ANKS3: variants seen among roughly 807,000 people sequenced by gnomAD.
ANKS3 encodes the protein ankyrin repeat and SAM domain-containing protein 3.
Under a neutral mutation model 80.7 loss-of-function variants are expected in ANKS3, and 62 were observed. That is an observed-to-expected ratio of 0.77 (90% confidence interval 0.63 to 0.95). The LOEUF (loss-of-function observed/expected upper bound fraction) is 0.95. Among genes scored for constraint, ANKS3 ranks in the 40% least tolerant of loss-of-function variants. The probability of loss-of-function intolerance (pLI) is 0.00; values close to 1 mark genes in which losing one functional copy is unlikely to be tolerated. For missense variants in ANKS3, 1,150 were observed against 883.6 expected (o/e 1.30, Z -3.82); for synonymous variants, 489 against 355.3 (o/e 1.38, Z -4.23).
intron 6 of ANKS3, among the ~76,000 whole-genome samples, chr16:4,716,768 T>C (rs2080822215): frequency 6.6e-6 from 1 of 151,008 alleles, no homozygotes; most frequent in Admixed American, 6.6e-5. Flanking sequence ...ATACAAAAAT[T>C]AGCCAGGTGT....
chr16:4,720,254 G>T (rs2081019792), intron 6 of ANKS3, among the ~76,000 whole-genome samples: 1 of 147,980 alleles, frequency 6.8e-6, no homozygotes, highest in African/African-American at 2.5e-5. Context: ...ACAAGGTCAA[G>T]AGATTGAGAC....
chr16:4,699,038 C>T lies in ANKS3; in HGVS notation c.1409+14G>A. 1 of 1,614,176 alleles carries T rather than the reference C, an allele frequency of 6.2e-7. No individual in the cohort carries two copies. The highest frequency in any genetic ancestry group is 8.5e-7 in the Non-Finnish European group (1 of 1,180,048). On this transcript the variant is annotated intron_variant, in intron 12 of 17. Transcript: ENST00000304283. Reference sequence around the variant, plus strand: ...ACCCCGGGCTGAGGGCCAGAGCGGCCCTTCTGGACGCACGTGATGCCAATT... The same window carrying T: ...ACCCCGGGCTGAGGGCCAGAGCGGCTCTTCTGGACGCACGTGATGCCAATT...
intron 6 of ANKS3, among the ~76,000 whole-genome samples, chr16:4,716,539 G>A (rs1327808297): frequency 1.3e-5 from 2 of 152,040 alleles, no homozygotes; most frequent in Non-Finnish European, 2.9e-5. Context: ...TTTTCACAAA[G>A]TATAAGGAGT....
At chr16:4,728,164 G>C (rs1254602852) in intron 3 of ANKS3, 1 of 152,210 alleles carries the variant, frequency 6.6e-6, no homozygotes, top group African/African-American at 2.4e-5. Context: ...TCCTGCCTCA[G>C]CCTCCCAAGT....
chr16:4,698,090 G>A (rs2079676886), intron 14 of ANKS3, 28 bp from the exon 15 acceptor site: 1 of 1,577,534 alleles, frequency 6.3e-7, no homozygotes, highest in Non-Finnish European at 8.6e-7. Flanking sequence ...AAATATTGGT[G>A]AGAGCAGAGG....
At chr16:4,715,823 T>C (rs2080765669) in intron 6 of ANKS3, among the ~76,000 whole-genome samples, 1 of 151,820 alleles carries the variant, frequency 6.6e-6, no homozygotes, top group African/African-American at 2.4e-5. Context: ...TTTAATAGGA[T>C]CTTGCTCTGT....
rs1003113214 is a variant in ANKS3, at chr16:4,726,910, G to T, written c.369+69C>A. On this transcript the variant is annotated intron_variant, in intron 4 of 17. Coordinates refer to ENST00000304283, the MANE Select transcript of ANKS3 (RefSeq NM_133450.4). The stretch of plus-strand genomic sequence containing the variant: ...CACACGAACACCGTGGCCTGCAGTG[G>T]TTCGCATCTCTGTCAGGGTGGCCAC... 44 of 1,607,340 alleles carry T rather than the reference G, an allele frequency of 2.7e-5. No individual in the cohort carries two copies. The Admixed American group carries it at 5.5e-4, about 20-fold the overall frequency.
At chr16:4,713,941 C>G (rs2080634209) in intron 7 of ANKS3, 110 bp downstream of exon 7, 1 of 1,456,916 alleles carries the variant, frequency 6.9e-7, no homozygotes, top group Non-Finnish European at 9.2e-7. Flanking sequence ...AGAGCCAAAT[C>G]TCAGAGAAGG....
At position 4,730,140 on chromosome 16, in the gene ANKS3, G is replaced by T; in HGVS notation, c.10C>A (p.Leu4Ile). 1 of 1,561,954 alleles carries T rather than the reference G, an allele frequency of 6.4e-7. No homozygotes were observed. ...TCCGGCTCGCTGGCTTCATCGCTGA[G>T]CTCGGACATCACTGAGGAGGAAGGC... is the stretch of plus-strand genomic sequence containing the variant. MSE[L>I]SDEASEPELL... Residue 4 changes from leucine to isoleucine, a missense_variant, in exon 3 of 18, where the codon CTC becomes ATC. Leu to Ile is a conservative substitution (Grantham distance 5, BLOSUM62 2). Transcript: ENST00000304283.
chr16:4,732,678 C>CAAAAA lies in ANKS3; in HGVS notation c.-70-1104_-70-1100dup, dbSNP rs373806788. Among the ~76,000 whole-genome samples the CAAAAA allele has an allele frequency of 2.4e-4, 17 of 69,854 alleles. 1 individual carries two copies. Among genetic ancestry groups the CAAAAA allele is most frequent in the African/African-American group, 2.9e-4 (5 of 17,068 alleles). 45.8% of individuals were successfully genotyped at this position (69,854 alleles called of 152,430 possible). Reference sequence around the variant, plus strand: ...TGGGCAACAGAGCGAAATTCTGTCTCAAAAAAAAAAACAAAAAAAAAACAC... The same window carrying CAAAAA: ...TGGGCAACAGAGCGAAATTCTGTCTCAAAAAAAAAAAAAAAACAAAAAAAAAACAC... On this transcript the variant is annotated intron_variant, in intron 1 of 17. Transcript: ENST00000304283.
rs2079752867 is a variant in ANKS3, at chr16:4,699,043, T to TG, written c.1409+8dup. 1.9e-6 allele frequency: 3 copies of TG among 1,614,196 alleles called. No homozygotes were observed. The highest frequency in any genetic ancestry group is 2.5e-6 in the Non-Finnish European group (3 of 1,180,040). ...GGGCTGAGGGCCAGAGCGGCCCTTC[T>TG]GGACGCACGTGATGCCAATTTCCTT... On this transcript the variant is annotated intron_variant, in intron 12 of 17. Transcript: ENST00000304283.
At chr16:4,716,269 G>A (rs2050849090) in intron 6 of ANKS3, among the ~76,000 whole-genome samples, 1 of 150,170 alleles carries the variant, frequency 6.7e-6, no homozygotes, top group Non-Finnish European at 1.5e-5. Flanking sequence ...GCTGAGGCAG[G>A]AGAATCGCTT....
intron 2 of ANKS3, among the ~76,000 whole-genome samples, chr16:4,730,595 G>A (rs780440802): frequency 5.9e-5 from 9 of 152,218 alleles, no homozygotes; most frequent in East Asian, 1.9e-4. Context: ...GACCCGGTGC[G>A]GTGGCTCACA....
chr16:4,726,696 T>C lies in ANKS3; in HGVS notation c.454A>G (p.Arg152Gly), dbSNP rs1216468926. Reference protein sequence around the residue: ...CTSAGHQHMVRFLLDSGANAN... With the variant: ...CTSAGHQHMVGFLLDSGANAN... ...TTGGCTCCACTGTCCAAGAGGAACC[T>C]GACCATGTGCTGGTGCCCGGCGCTG... Residue 152 changes from arginine (R) to glycine (G), a missense_variant, in exon 5 of 18, where the codon AGG (arginine) becomes GGG (glycine). Arg to Gly is a moderately radical substitution (Grantham distance 125). Transcript: ENST00000304283. 4 of 1,614,248 alleles carry C rather than the reference T, an allele frequency of 2.5e-6. No individual in the cohort carries two copies. The highest frequency in any genetic ancestry group is 2.5e-6 in the Non-Finnish European group (3 of 1,180,038).
At position 4,720,517 on chromosome 16, in the gene ANKS3, A is replaced by G. The variant is rs952980355; in HGVS notation, c.573+4233T>C. ...GGGAGGGGTGTGAACCAGGACCACT[A>G]TGGAACAAAGCAAGTTTACACTACC... On this transcript the variant is annotated intron_variant, in intron 6 of 17. Transcript: ENST00000304283. Among the ~76,000 whole-genome samples the G allele has an allele frequency of 8.6e-5, 13 of 151,000 alleles. 1 individual carries two copies. The highest frequency in any genetic ancestry group is 2.4e-4 in the African/African-American group (10 of 41,290).
At chr16:4,713,685 A>G (rs1264227709) in intron 7 of ANKS3, among the ~76,000 whole-genome samples, 3 of 152,258 alleles carry the variant, frequency 2.0e-5, no homozygotes, top group Non-Finnish European at 4.4e-5. Flanking sequence ...AAAAATATCA[A>G]TACTGTTTTT....
chr16:4,707,316 C>G (rs1025301512), intron 7 of ANKS3, among the ~76,000 whole-genome samples: 2 of 146,840 alleles, frequency 1.4e-5, no homozygotes, highest in African/African-American at 5.0e-5. Flanking sequence ...GAGTTTCACT[C>G]CGTCACCTAG....
intron 5 of ANKS3, among the ~76,000 whole-genome samples, chr16:4,725,516 T>C (rs2081303446): frequency 6.6e-6 from 1 of 152,346 alleles, no homozygotes; most frequent in Middle Eastern, 3.4e-3. Flanking sequence ...CTTAGTGGCA[T>C]ACAAAATTAT....
intron 11 of ANKS3, chr16:4,699,431 C>A (rs1383996394): frequency 1.9e-6 from 1 of 529,056 alleles, no homozygotes; most frequent in Non-Finnish European, 3.4e-6. Context: ...CCTCCTCCCA[C>A]ACATGCTCAG....
Sources: allele counts gnomAD v4.1 joint callset (sites outside exome capture counted in the v4.1 genomes callset), GRCh38; gene constraint gnomAD v4.1.1; transcripts MANE v1.5; gene names NCBI Gene and HGNC (gene_info 2026-07-23, HGNC 2026-07-21).